Variants in ETFA observed in about 807,000 individuals in gnomAD.
ETFA encodes the protein electron transfer flavoprotein subunit alpha.
In ETFA, 22 loss-of-function variants were observed where a neutral mutation model predicts 46.2. That is an observed-to-expected ratio of 0.48 (90% CI 0.34 to 0.68). ETFA has a LOEUF of 0.68. Ranked by LOEUF, ETFA falls within the 30% of genes least tolerant of loss-of-function variation. The probability of loss-of-function intolerance (pLI) is 0.01; values close to 1 mark genes in which losing one functional copy is unlikely to be tolerated. For missense variants in ETFA, 345 were observed against 401.1 expected, an observed-to-expected ratio of 0.86 and a Z score of 1.19; for synonymous variants, 131 against 139.9, an observed-to-expected ratio of 0.94 and a Z score of 0.45.
intron 8 of ETFA, among the ~76,000 whole-genome samples, chr15:76,277,871 A>T (rs943471843): frequency 2.0e-5 from 3 of 151,920 alleles, no homozygotes; most frequent in Admixed American, 2.0e-4. Context: ...CTACCCCACC[A>T]CCAGCTCCTG....
At position 76,285,632 on chromosome 15, in the gene ETFA, C is replaced by T. The variant is rs1567215560; in HGVS notation, c.664+5G>A. 2 of 1,511,636 alleles carry T rather than the reference C, an allele frequency of 1.3e-6. No individual in the cohort carries two copies. The highest frequency in any genetic ancestry group is 1.8e-6 in the Non-Finnish European group (2 of 1,087,086). The allele number at this position is 1,511,636 out of a possible 1,614,324, so 93.6% of individuals were successfully genotyped here. ...TACATCTTTTAAGATTAATATTTCA[C>T]TTACCACCAGATACCACCACTTTGG... On this transcript the variant is annotated splice_donor_5th_base_variant and intron_variant, in intron 7 of 11. Coordinates refer to ENST00000557943, the MANE Select transcript of ETFA (RefSeq NM_000126.4).
At chr15:76,276,776 C>CAAACAG (rs2039596806) in intron 8 of ETFA, among the ~76,000 whole-genome samples, 1 of 152,142 alleles carries the variant, frequency 6.6e-6, no homozygotes, top group Non-Finnish European at 1.5e-5. Flanking sequence ...ATTTCTGCTA[C>CAAACAG]AATGTTTTTT....
chr15:76,259,722 C>T (rs1401556661), intron 9 of ETFA: 1 of 1,455,792 alleles, frequency 6.9e-7, no homozygotes, highest in Middle Eastern at 1.7e-4. Context: ...GTCATGTCCC[C>T]TGCCAGCATG....
At chr15:76,258,181 T>TAAAC (rs1325597738) in intron 9 of ETFA, among the ~76,000 whole-genome samples, 1 of 151,798 alleles carries the variant, frequency 6.6e-6, no homozygotes, top group African/African-American at 2.4e-5. Flanking sequence ...AATAAATAAA[T>TAAAC]AAATAAATAA....
chr15:76,215,449 A>G lies in ETFA; in HGVS notation c.*1110T>C, dbSNP rs1310791714. ...GAAGGGCCCCAGGCTGGTCACACAA[A>G]GGCACTCTAGCCACCTCCATCACTT... On this transcript the variant is annotated 3_prime_UTR_variant, in exon 12 of 12. Transcript: ENST00000557943. 6.6e-6 allele frequency: 1 copy of G among 152,160 alleles called. No individual in the cohort carries two copies. Among genetic ancestry groups the G allele is most frequent in the East Asian group, 1.9e-4 (1 of 5,174 alleles). The allele number at this position is 152,160 out of a possible 1,614,324, so 9.4% of individuals were successfully genotyped here.
intron 1 of ETFA, among the ~76,000 whole-genome samples, chr15:76,302,438 C>T (rs556493250): frequency 6.6e-5 from 10 of 150,564 alleles, no homozygotes; most frequent in Admixed American, 2.0e-4. Context: ...CTATATGACA[C>T]TCTGTTAAAC....
At chr15:76,268,130 C>G (rs935463643) in intron 9 of ETFA, among the ~76,000 whole-genome samples, 2 of 147,804 alleles carry the variant, frequency 1.4e-5, no homozygotes, top group African/African-American at 2.5e-5. Flanking sequence ...CAGTAATTAA[C>G]CAAAGAGGCA....
chr15:76,288,920 C>CTTTTTTTTTTTTTTTTTTTT (rs35295593), intron 4 of ETFA, among the ~76,000 whole-genome samples: 1 of 110,120 alleles, frequency 9.1e-6, no homozygotes, highest in African/African-American at 3.4e-5. Flanking sequence ...TCTTCTTCTT[C>CTTTTTTTTTTTTTTTTTTTT]TTTTTTTTTT....
chr15:76,287,841 C>G lies in ETFA; in HGVS notation c.451+5G>C. ...GTTGATTAATTATCTTCCTTGAGTACTCACCTGCATAAATAGTTCTCACAA... is the reference window on the plus strand; with the variant it reads ...GTTGATTAATTATCTTCCTTGAGTAGTCACCTGCATAAATAGTTCTCACAA... On this transcript the variant is annotated splice_donor_5th_base_variant and intron_variant, in intron 5 of 11. Transcript: ENST00000557943. 1 of 1,561,988 alleles carries G rather than the reference C, an allele frequency of 6.4e-7. No individual in the cohort carries two copies. Among genetic ancestry groups the G allele is most frequent in the Non-Finnish European group, 8.8e-7 (1 of 1,132,476 alleles).
intron 10 of ETFA, chr15:76,226,188 C>CA (rs1221294119): frequency 2.7e-5 from 10 of 367,414 alleles, no homozygotes; most frequent in South Asian, 7.7e-5. Context: ...TTTTGACTTA[C>CA]AAAAAAAATA....
chr15:76,294,397 C>CAA (rs1283814918), intron 2 of ETFA, among the ~76,000 whole-genome samples: 12 of 152,134 alleles, frequency 7.9e-5, no homozygotes. Context: ...TATGTAAGAT[C>CAA]CTACAGTTGT....
In ETFA at chr15:76,231,395, G is replaced by A; in HGVS notation, c.820C>T (p.Leu274Phe). 1 of 1,592,856 alleles carries A rather than the reference G, an allele frequency of 6.3e-7. No individual in the cohort carries two copies. The highest frequency in any genetic ancestry group is 2.2e-5 in the East Asian group (1 of 44,752). The stretch of plus-strand genomic sequence containing the variant: ...CCAGATATTCCAACAGCAATATAAA[G>A]TTCCTGAAATAAAAGAGGTCACATT... Reference protein sequence around the residue: ...GQTGKIVAPELYIAVGISGAI... With the variant: ...GQTGKIVAPEFYIAVGISGAI... The change falls in exon 10 of 12, where the codon CTT (leucine) becomes TTT (phenylalanine). Residue 274 changes from leucine (L) to phenylalanine (F), a missense_variant. Physicochemically the swap from Leu to Phe is conservative, Grantham distance 22. Transcript: ENST00000557943.
intron 4 of ETFA, 85 bp downstream of exon 4, chr15:76,292,346 A>C: frequency 1.2e-6 from 1 of 855,560 alleles, no homozygotes; most frequent in Non-Finnish European, 1.9e-6. Flanking sequence ...TTGGCTACAT[A>C]AACAGTCTGT....
At chr15:76,248,395 T>C (rs1431411857) in intron 9 of ETFA, among the ~76,000 whole-genome samples, 1 of 152,142 alleles carries the variant, frequency 6.6e-6, no homozygotes, top group Admixed American at 6.5e-5. Context: ...AAGTAGATTA[T>C]AATTATAAAC....
At chr15:76,289,356 AC>A (rs1257027861) in intron 4 of ETFA, among the ~76,000 whole-genome samples, 1 of 152,236 alleles carries the variant, frequency 6.6e-6, no homozygotes, top group Admixed American at 6.5e-5. Flanking sequence ...TGGAATAGTT[AC>A]TTGGCTGAAC....
chr15:76,257,359 G>C (rs142687725), intron 9 of ETFA, among the ~76,000 whole-genome samples: 42 of 152,296 alleles, frequency 2.8e-4, no homozygotes, highest in African/African-American at 9.6e-4. Context: ...AGAAGTGTCT[G>C]TTCGGAACAG....
intron 8 of ETFA, among the ~76,000 whole-genome samples, chr15:76,277,492 CAAAAACAAAAACA>C (rs1052267725): frequency 1.3e-4 from 1 of 7,412 alleles, no homozygotes; most frequent in African/African-American, 1.8e-4. Flanking sequence ...AGTTTTTTGT[CAAAAACAAAAACA>C]AAAAAAAAAA....
At chr15:76,241,271 T>C (rs1363830803) in intron 9 of ETFA, among the ~76,000 whole-genome samples, 1 of 148,640 alleles carries the variant, frequency 6.7e-6, no homozygotes, top group Non-Finnish European at 1.5e-5. Context: ...GAGGTCGAGG[T>C]GGGAGGATCG....
chr15:76,232,751 T>C (rs758303158), intron 9 of ETFA, among the ~76,000 whole-genome samples: 23 of 152,182 alleles, frequency 1.5e-4, no homozygotes, highest in African/African-American at 3.4e-4. Context: ...CTTTTTCCAA[T>C]TGTAAACAGA....
Sources: allele counts gnomAD v4.1 joint callset (sites outside exome capture counted in the v4.1 genomes callset), GRCh38; gene constraint gnomAD v4.1.1; transcripts MANE v1.5; gene names NCBI Gene and HGNC (gene_info 2026-07-23, HGNC 2026-07-21).